Variants in ESR2 observed in about 807,000 individuals in gnomAD.
ESR2 encodes the protein estrogen receptor beta.
In ESR2, 36 loss-of-function variants were observed where a neutral mutation model predicts 49.6. The ratio of observed to expected loss-of-function variants is 0.73; its 90% CI spans 0.56 to 0.96. ESR2 has a LOEUF of 0.96. Among genes scored for constraint, ESR2 ranks in the 40% least tolerant of loss-of-function variants. ESR2 has a pLI of 0.00. For synonymous variants in ESR2, 320 were observed against 266.1 expected, an observed-to-expected ratio of 1.20 and a Z score of -1.97; for missense variants, 714 against 693.0, an observed-to-expected ratio of 1.03 and a Z score of -0.34.
chr14:64,310,048 T>C (rs1314195583), intron 1 of ESR2, among the ~76,000 whole-genome samples: 1 of 151,946 alleles, frequency 6.6e-6, no homozygotes, highest in Non-Finnish European at 1.5e-5. Context: ...ATCACGCCAC[T>C]GTACTGCAGC....
At chr14:64,325,229 A>G (rs1387414982) in intron 1 of ESR2, among the ~76,000 whole-genome samples, 2 of 152,228 alleles carry the variant, frequency 1.3e-5, no homozygotes, top group African/African-American at 4.8e-5. Flanking sequence ...TTCTGTTTCC[A>G]ACCCACACAT....
rs1041767912 is a variant in ESR2, at chr14:64,288,497, G to A, written c.-90-5422C>T. The stretch of plus-strand genomic sequence containing the variant: ...CAAGTAGCTGGGACTACAGGTGCCC[G>A]CCACCATGCCCAGCTAATTTTTTCT... On this transcript the variant is annotated intron_variant, in intron 1 of 8. Transcript: ENST00000341099. 4.0e-5 allele frequency among the ~76,000 whole-genome samples: 6 copies of A among 151,792 alleles called. No homozygotes were observed. The East Asian group carries it at 7.9e-4, about 20-fold the overall frequency.
intron 7 of ESR2, among the ~76,000 whole-genome samples, chr14:64,242,326 G>A (rs2075745007): frequency 6.6e-6 from 1 of 150,992 alleles, no homozygotes; most frequent in Admixed American, 6.6e-5. Flanking sequence ...AGAATTGATT[G>A]AACCCAGCAG....
At chr14:64,279,945 A>AG in intron 3 of ESR2, 36 bp downstream of exon 3, 1 of 1,569,174 alleles carries the variant, frequency 6.4e-7, no homozygotes, top group Non-Finnish European at 8.8e-7. Context: ...AATCAAAAGT[A>AG]GGAAACTAAA....
intron 1 of ESR2, among the ~76,000 whole-genome samples, chr14:64,327,507 C>A (rs1157780804): frequency 8.7e-6 from 1 of 115,526 alleles, no homozygotes; most frequent in Non-Finnish European, 2.1e-5. Context: ...ATCAGCCTGG[C>A]CAACATGGTG....
chr14:64,276,460 G>C (rs1245595893), intron 3 of ESR2, among the ~76,000 whole-genome samples: 1 of 152,100 alleles, frequency 6.6e-6, no homozygotes, highest in East Asian at 1.9e-4. Context: ...TTTTTGATAA[G>C]AGTCAATGCT....
At chr14:64,310,286 A>AATAATAATAATAATAAT (rs2077170107) in intron 1 of ESR2, among the ~76,000 whole-genome samples, 7 of 142,462 alleles carry the variant, frequency 4.9e-5, no homozygotes, top group African/African-American at 1.9e-4. Flanking sequence ...TCGTCTCAAA[A>AATAATAATAATAATAAT]AATAATAATA....
rs149473386 is a variant in ESR2, at chr14:64,277,992, G to T, written c.535+1989C>A. The stretch of plus-strand genomic sequence containing the variant: ...CCCAAAAGCAAAAAAAAAAAAGAAG[G>T]ATCTCTTTTTAAAAGATATGGTTAG... On this transcript the variant is annotated intron_variant, in intron 3 of 8. Coordinates refer to ENST00000341099, the MANE Select transcript of ESR2 (RefSeq NM_001437.3). Among the ~76,000 whole-genome samples the T allele has an allele frequency of 7.3e-3, 1,109 of 151,732 alleles. 21 individuals carry two copies. Among genetic ancestry groups the T allele is most frequent in the African/African-American group, 0.026 (1,056 of 41,322 alleles).
chr14:64,291,129 A>G (rs1219782936), intron 1 of ESR2, among the ~76,000 whole-genome samples: 1 of 152,222 alleles, frequency 6.6e-6, no homozygotes, highest in Admixed American at 6.5e-5. Flanking sequence ...TTCCGAGTGA[A>G]GGGATTCAAG....
At chr14:64,251,036 C>G (rs994581904) in intron 6 of ESR2, among the ~76,000 whole-genome samples, 1 of 152,156 alleles carries the variant, frequency 6.6e-6, no homozygotes. Flanking sequence ...GGAAGTCACT[C>G]ATAGGAAAAG....
In ESR2 at chr14:64,246,563, C is replaced by T. The variant is rs192685319; in HGVS notation, c.1225+2983G>A. Among the ~76,000 whole-genome samples the T allele has an allele frequency of 5.7e-3, 862 of 151,628 alleles. 11 individuals are homozygous for T. The highest frequency in any genetic ancestry group is 0.02 in the African/African-American group (824 of 41,296). ...AGAACAGACTAATATATCATCTCTACTAAAAATACAAAAATTAGCCAGGCA... is the reference window on the plus strand; with the variant it reads ...AGAACAGACTAATATATCATCTCTATTAAAAATACAAAAATTAGCCAGGCA... On this transcript the variant is annotated intron_variant, in intron 7 of 8. Transcript: ENST00000341099.
At chr14:64,291,274 CA>C (rs1375761556) in intron 1 of ESR2, among the ~76,000 whole-genome samples, 12 of 152,260 alleles carry the variant, frequency 7.9e-5, no homozygotes, top group African/African-American at 2.6e-4. Context: ...ACAAGTCCAG[CA>C]ATCTATCTTT....
intron 7 of ESR2, among the ~76,000 whole-genome samples, chr14:64,238,055 G>A (rs1458947596): frequency 6.6e-6 from 1 of 152,164 alleles, no homozygotes; most frequent in East Asian, 1.9e-4. Context: ...CAATAAAGCT[G>A]TTACTAAAAA....
chr14:64,292,790 T>C (rs1236098491), intron 1 of ESR2, among the ~76,000 whole-genome samples: 1 of 152,198 alleles, frequency 6.6e-6, no homozygotes, highest in African/African-American at 2.4e-5. Context: ...AATTATATGG[T>C]TATGAGTTGA....
At chr14:64,279,145 T>G (rs1167573761) in intron 3 of ESR2, among the ~76,000 whole-genome samples, 1 of 152,238 alleles carries the variant, frequency 6.6e-6, no homozygotes, top group African/African-American at 2.4e-5. Context: ...GCCTGTGACT[T>G]GGAAGCCCCT....
downstream of ESR2, chr14:64,228,144 T>C (rs2098723794): frequency 1.0e-6 from 1 of 1,004,146 alleles, no homozygotes; most frequent in Non-Finnish European, 1.3e-6. Flanking sequence ...TTAACTCTTC[T>C]GAAATTGTAC....
At chr14:64,322,881 T>C (rs1356382061) in intron 1 of ESR2, among the ~76,000 whole-genome samples, 2 of 152,216 alleles carry the variant, frequency 1.3e-5, no homozygotes, top group African/African-American at 2.4e-5. Context: ...GAAATAATTA[T>C]ATCATCCCTC....
chr14:64,296,520 T>C (rs2076960201), upstream of ESR2, among the ~76,000 whole-genome samples: 1 of 152,246 alleles, frequency 6.6e-6, no homozygotes, highest in African/African-American at 2.4e-5. Flanking sequence ...AACCTCCCTA[T>C]GGTCACATGA....
At chr14:64,234,905 T>C (rs2098730959) in intron 8 of ESR2, 65 bp downstream of exon 8, 1 of 1,575,596 alleles carries the variant, frequency 6.3e-7, no homozygotes, top group South Asian at 1.1e-5. Flanking sequence ...CCAAATCACT[T>C]CACCCTCCGT....
Sources: gnomAD v4.1 joint callset for allele counts (sites outside exome capture counted in the v4.1 genomes callset) on GRCh38, gnomAD v4.1.1 for gene constraint, MANE v1.5 for transcripts, NCBI Gene and HGNC (gene_info 2026-07-23, HGNC 2026-07-21) for gene names.